GALNT17: variants seen among roughly 807,000 people sequenced by gnomAD.
GALNT17 encodes the protein polypeptide N-acetylgalactosaminyltransferase 17.
A neutral mutation model predicts 63.7 loss-of-function variants in GALNT17; 29 were observed. That is an observed-to-expected ratio of 0.46 (90% CI 0.34 to 0.62). The LOEUF (loss-of-function observed/expected upper bound fraction) is 0.62. Among genes scored for constraint, GALNT17 ranks in the 20% least tolerant of loss-of-function variants. GALNT17 has a pLI of 0.01. For missense variants in GALNT17, 603 were observed against 799.6 expected (o/e 0.75, Z 2.97); for synonymous variants, 305 against 318.3 (o/e 0.96, Z 0.45).
intron 5 of GALNT17, among the ~76,000 whole-genome samples, chr7:71,430,460 G>C (rs768159651): frequency 9.2e-5 from 14 of 152,186 alleles, no homozygotes; most frequent in Non-Finnish European, 1.5e-4. Flanking sequence ...AAATGCCACA[G>C]ATGGGACATT....
chr7:71,702,676 A>G (rs1000707082), intron 9 of GALNT17, among the ~76,000 whole-genome samples: 4 of 152,166 alleles, frequency 2.6e-5, no homozygotes, highest in African/African-American at 9.7e-5. Flanking sequence ...AAGCTGAGGG[A>G]GGCAAGGAGG....
chr7:71,403,510 TCTG>T (rs1464228354), intron 3 of GALNT17, among the ~76,000 whole-genome samples: 3 of 152,210 alleles, frequency 2.0e-5, no homozygotes, highest in African/African-American at 7.2e-5. Flanking sequence ...CATGTTAGGT[TCTG>T]CAGCCCTTTT....
intron 2 of GALNT17, among the ~76,000 whole-genome samples, chr7:71,347,803 TC>T (rs1347053969): frequency 1.3e-5 from 2 of 152,118 alleles, no homozygotes; most frequent in African/African-American, 4.8e-5. Context: ...CTAGGGATGT[TC>T]TGAGGTCATG....
intron 3 of GALNT17, among the ~76,000 whole-genome samples, chr7:71,410,248 A>AT (rs201714940): frequency 0.051 from 7,231 of 141,162 alleles, 354 homozygotes; most frequent in African/African-American, 0.13. Context: ...TTCTTTCCTG[A>AT]TTTTTTTTTT....
chr7:71,323,041 A>T (rs1456408267), intron 1 of GALNT17, among the ~76,000 whole-genome samples: 3 of 152,192 alleles, frequency 2.0e-5, no homozygotes, highest in Non-Finnish European at 4.4e-5. Context: ...GGAAAAAAAA[A>T]GAAGATAAAA....
intron 1 of GALNT17, among the ~76,000 whole-genome samples, chr7:71,144,479 A>G (rs1352283626): frequency 6.6e-6 from 1 of 152,198 alleles, no homozygotes; most frequent in African/African-American, 2.4e-5. Context: ...TTAGATGCTA[A>G]GAGTACAAGA....
intron 9 of GALNT17, among the ~76,000 whole-genome samples, chr7:71,703,350 A>G (rs1791678955): frequency 1.3e-5 from 2 of 152,208 alleles, no homozygotes; most frequent in African/African-American, 4.8e-5. Flanking sequence ...CGGAAGGTGA[A>G]GCAGGAGCAG....
At chr7:71,232,048 CAG>C (rs1011496985) in intron 1 of GALNT17, among the ~76,000 whole-genome samples, 2 of 152,122 alleles carry the variant, frequency 1.3e-5, no homozygotes, top group African/African-American at 4.8e-5. Flanking sequence ...GAGTTGTATT[CAG>C]AGTCACCATT....
rs146703344 is a variant in GALNT17, at chr7:71,545,985, C to T, written c.963-25300C>T. Among the ~76,000 whole-genome samples the T allele has an allele frequency of 2.1e-4, 32 of 152,130 alleles. No individual in the cohort carries two copies. The East Asian group carries it at 5.8e-3, about 28-fold the overall frequency. ...TAATGTAAATTGAAATCTGGCCAGG[C>T]ACAGAGGCTGATGCCTGTAATCCCA... On this transcript the variant is annotated intron_variant, in intron 5 of 10. Coordinates refer to ENST00000333538, the MANE Select transcript of GALNT17 (RefSeq NM_022479.3).
chr7:71,226,006 T>G (rs1040663372), intron 1 of GALNT17, among the ~76,000 whole-genome samples: 1 of 152,240 alleles, frequency 6.6e-6, no homozygotes, highest in Non-Finnish European at 1.5e-5. Context: ...TACATATATA[T>G]ATGCATGTAA....
chr7:71,632,596 G>A (rs2116991722), intron 6 of GALNT17, among the ~76,000 whole-genome samples: 1 of 152,240 alleles, frequency 6.6e-6, no homozygotes. Flanking sequence ...TGGGGACAAG[G>A]ATGAGGAGAG....
rs1057513691 is a variant in GALNT17, at chr7:71,712,981, A to C, written c.*835A>C. Reference sequence around the variant, plus strand: ...CACCGGGGAGAAGCAGCGGTCCTCCATCCAGAACCTAAGGGCTGAAGCAAA... The same window carrying C: ...CACCGGGGAGAAGCAGCGGTCCTCCCTCCAGAACCTAAGGGCTGAAGCAAA... On this transcript the variant is annotated 3_prime_UTR_variant, in exon 11 of 11. Transcript: ENST00000333538. 6.5e-6 allele frequency: 1 copy of C among 152,806 alleles called. No homozygotes were observed. Among genetic ancestry groups the C allele is most frequent in the African/African-American group, 2.4e-5 (1 of 41,446 alleles). 9.5% of individuals were successfully genotyped at this position (152,806 alleles called of 1,614,324 possible).
rs142362259 is a variant in GALNT17 at position 71,470,585 on chromosome 7, C to T, written c.962+49480C>T. 6.6e-4 allele frequency among the ~76,000 whole-genome samples: 100 copies of T among 151,992 alleles called. 1 individual carries two copies. Among genetic ancestry groups the T allele is most frequent in the African/African-American group, 2.1e-3 (88 of 41,464 alleles). On this transcript the variant is annotated intron_variant, in intron 5 of 10. Coordinates refer to ENST00000333538, the MANE Select transcript of GALNT17 (RefSeq NM_022479.3). ...ATTGATCCAAGTGGAAGGAGGGAGA[C>T]GATGTGATATAAAAACTGCAACCTA...
At chr7:71,210,072 G>C (rs1272230447) in intron 1 of GALNT17, among the ~76,000 whole-genome samples, 2 of 151,916 alleles carry the variant, frequency 1.3e-5, no homozygotes, top group African/African-American at 4.8e-5. Flanking sequence ...ATAGGCACCT[G>C]CCACCATGCC....
intron 6 of GALNT17, among the ~76,000 whole-genome samples, chr7:71,653,012 GTTTGT>G (rs1790776300): frequency 4.7e-5 from 1 of 21,142 alleles, no homozygotes; most frequent in Non-Finnish European, 2.1e-4. Context: ...GTTTGTTTGT[GTTTGT>G]TTTTGTTTTT....
chr7:71,183,422 C>T (rs1244255529), intron 1 of GALNT17, among the ~76,000 whole-genome samples: 2 of 152,150 alleles, frequency 1.3e-5, no homozygotes, highest in African/African-American at 4.8e-5. Context: ...CTCCCACTCT[C>T]GCATTTTTGA....
chr7:71,289,629 C>T (rs1345764130), intron 1 of GALNT17, among the ~76,000 whole-genome samples: 1 of 152,084 alleles, frequency 6.6e-6, no homozygotes, highest in Non-Finnish European at 1.5e-5. Flanking sequence ...CCTGTAATCC[C>T]AGCACTTTGG....
chr7:71,320,034 C>T (rs1353028512), intron 1 of GALNT17, among the ~76,000 whole-genome samples: 1 of 152,128 alleles, frequency 6.6e-6, no homozygotes, highest in Non-Finnish European at 1.5e-5. Flanking sequence ...AAGCAAGTCT[C>T]GTGGCCAAGC....
At chr7:71,388,054 A>T (rs1471969660) in intron 2 of GALNT17, among the ~76,000 whole-genome samples, 181 bp from the exon 3 acceptor site, 1 of 152,034 alleles carries the variant, frequency 6.6e-6, no homozygotes, top group African/African-American at 2.4e-5. Context: ...GCATCTGTTA[A>T]TGCTGTCCTC....
Sources: gnomAD v4.1 joint callset for allele counts (sites outside exome capture counted in the v4.1 genomes callset) on GRCh38, gnomAD v4.1.1 for gene constraint, MANE v1.5 for transcripts, NCBI Gene and HGNC (gene_info 2026-07-23, HGNC 2026-07-21) for gene names.